SENP5: variants seen among roughly 807,000 people sequenced by gnomAD.
SENP5 encodes SUMO specific peptidase 5, also known as sentrin-specific protease 5.
SENP5 carries 21 observed loss-of-function variants against 74.2 expected under a neutral mutation model. The observed-to-expected ratio is 0.28, with a 90% CI of 0.20 to 0.41. The LOEUF is 0.41. Ranked by LOEUF, SENP5 falls within the 10% of genes least tolerant of loss-of-function variation. SENP5 has a pLI of 1.00. For missense variants in SENP5, 717 were observed against 889.1 expected (o/e 0.81, Z 2.46); for synonymous variants, 311 against 312.7 (o/e 0.99, Z 0.06).
At chr3:196,885,040 T>C (rs1713891592) in intron 1 of SENP5, 111 bp from the exon 2 acceptor site, 3 of 634,584 alleles carry the variant, frequency 4.7e-6, no homozygotes, top group Non-Finnish European at 8.1e-6. Flanking sequence ...ATAGTCTAAA[T>C]TGAAGTATAT....
At chr3:196,913,601 C>G (rs1715226698) in intron 6 of SENP5, among the ~76,000 whole-genome samples, 1 of 148,434 alleles carries the variant, frequency 6.7e-6, no homozygotes, top group African/African-American at 2.5e-5. Context: ...TAGTAAGACC[C>G]TGAACTCAGT....
chr3:196,909,000 C>CA (rs1715015725), intron 6 of SENP5, among the ~76,000 whole-genome samples: 1 of 151,776 alleles, frequency 6.6e-6, no homozygotes, highest in Non-Finnish European at 1.5e-5. Flanking sequence ...AAAAAATTAA[C>CA]AAAAAATACC....
intron 6 of SENP5, among the ~76,000 whole-genome samples, chr3:196,903,892 A>AT (rs1380522051): frequency 1.3e-5 from 2 of 152,188 alleles, no homozygotes; most frequent in East Asian, 3.8e-4. Context: ...GCTTTCAACA[A>AT]TTTTTTGCTG....
In SENP5 at chr3:196,886,477, G is replaced by C. The variant is rs1027729782; in HGVS notation, c.1296G>C (p.Lys432Asn). Residue 432 changes from lysine (K) to asparagine (N), a missense_variant, in exon 2 of 10, where the codon AAG becomes AAC. This residue lies in a region of SENP5 where 567 missense variants were observed against 577.4 expected (regional missense o/e 0.98). Coordinates refer to ENST00000323460, the MANE Select transcript of SENP5 (RefSeq NM_152699.5). Reference sequence around the variant, plus strand: ...GCGTAGATGGGCCTGTGTCCCAAAAGGCTGTTCAAAATGAGAACTCATACC... The same window carrying C: ...GCGTAGATGGGCCTGTGTCCCAAAACGCTGTTCAAAATGAGAACTCATACC... ...VSSVDGPVSQ[K>N]AVQNENSYQM... The C allele has an allele frequency of 3.1e-6, 5 of 1,611,030 alleles. No homozygotes were observed. Among genetic ancestry groups the C allele is most frequent in the African/African-American group, 2.7e-5 (2 of 74,830 alleles).
At position 196,873,069 on chromosome 3, in the gene SENP5, C is replaced by CT. The variant is rs572160747; in HGVS notation, c.-32+5017dup. Among the ~76,000 whole-genome samples the CT allele has an allele frequency of 2.7e-3, 288 of 108,358 alleles. 1 individual carries two copies. Among genetic ancestry groups the CT allele is most frequent in the Middle Eastern group, 4.6e-3 (1 of 216 alleles). 71.1% of individuals were successfully genotyped at this position (108,358 alleles called of 152,430 possible). ...TCCTCCCTGCAAGCTTGAGATTTAA[C>CT]TTTTTTTTTTTTTTTTTTTTTGGAG... On this transcript the variant is annotated intron_variant, in intron 1 of 9. Coordinates refer to ENST00000323460, the MANE Select transcript of SENP5 (RefSeq NM_152699.5).
At chr3:196,923,927 C>G (rs1385624992) in intron 7 of SENP5, among the ~76,000 whole-genome samples, 1 of 152,126 alleles carries the variant, frequency 6.6e-6, no homozygotes, top group South Asian at 2.1e-4. Flanking sequence ...TAGTGTTCAG[C>G]TAATAAACAG....
intron 2 of SENP5, among the ~76,000 whole-genome samples, chr3:196,894,019 C>T (rs910490595): frequency 3.3e-5 from 5 of 150,442 alleles, no homozygotes; most frequent in Non-Finnish European, 4.4e-5. Flanking sequence ...TATTTATGGT[C>T]GTGTATGAGA....
rs1713912387 is a variant in SENP5 at position 196,885,400 on chromosome 3, T to C, written c.219T>C (p.Asp73=). 2.5e-6 allele frequency: 4 copies of C among 1,614,068 alleles called. No individual in the cohort carries two copies. The highest frequency in any genetic ancestry group is 3.4e-6 in the Non-Finnish European group (4 of 1,180,022). Residue 73 remains aspartate, a synonymous_variant, in exon 2 of 10, where the codon GAT becomes GAC. Coordinates refer to ENST00000323460, the MANE Select transcript of SENP5 (RefSeq NM_152699.5). ...ALQIQKTWIK[D]EPLCAKTKFN... ...AAATCCAGAAAACGTGGATCAAGGA[T>C]GAACCCCTTTGTGCTAAGACCAAGT...
chr3:196,875,898 T>G lies in SENP5; in HGVS notation c.-32+7825T>G, dbSNP rs138552146. 3.5e-3 allele frequency among the ~76,000 whole-genome samples: 540 copies of G among 152,162 alleles called. 5 individuals carry two copies. The highest frequency in any genetic ancestry group is 0.012 in the African/African-American group (505 of 41,526). On this transcript the variant is annotated intron_variant, in intron 1 of 9. Transcript: ENST00000323460. ...GCATGTACCACCACTTTTGGCTATT[T>G]TTTTTGGAGACAGGATCTCCCTGTG... is the stretch of plus-strand genomic sequence containing the variant.
chr3:196,930,193 AAG>A (rs1410147897), intron 9 of SENP5, among the ~76,000 whole-genome samples: 1 of 152,216 alleles, frequency 6.6e-6, no homozygotes, highest in African/African-American at 2.4e-5. Flanking sequence ...GAGATTTGCA[AAG>A]ATCTTGGAAG....
At chr3:196,873,298 C>T (rs956288435) in intron 1 of SENP5, among the ~76,000 whole-genome samples, 10 of 151,708 alleles carry the variant, frequency 6.6e-5, no homozygotes, top group Non-Finnish European at 1.2e-4. Context: ...GTCTTGAACT[C>T]CTGACCTCAG....
At chr3:196,911,556 CAAA>C (rs148985317) in intron 6 of SENP5, among the ~76,000 whole-genome samples, 20 of 96,988 alleles carry the variant, frequency 2.1e-4, no homozygotes, top group Admixed American at 2.2e-4. Context: ...GACTTTGTCT[CAAA>C]AAAAAAAAAA....
intron 7 of SENP5, among the ~76,000 whole-genome samples, chr3:196,924,889 C>T (rs760362778): frequency 6.6e-6 from 1 of 152,150 alleles, no homozygotes; most frequent in Non-Finnish European, 1.5e-5. Flanking sequence ...ACGGTATACC[C>T]ATACTATTAA....
intron 6 of SENP5, chr3:196,905,285 CAGA>C (rs1306558000): frequency 6.6e-6 from 1 of 152,238 alleles, no homozygotes; most frequent in Non-Finnish European, 1.5e-5. Flanking sequence ...GTAGTCAGCA[CAGA>C]AGACTTCTGT....
At chr3:196,888,223 G>A (rs183093948) in intron 2 of SENP5, among the ~76,000 whole-genome samples, 33 of 152,242 alleles carry the variant, frequency 2.2e-4, no homozygotes, top group Middle Eastern at 3.4e-3. Flanking sequence ...GCCCATTCAG[G>A]CAATAGTTTG....
chr3:196,892,110 GAAA>G (rs202081408), intron 2 of SENP5, among the ~76,000 whole-genome samples: 7 of 144,334 alleles, frequency 4.8e-5, no homozygotes, highest in Non-Finnish European at 7.6e-5. Flanking sequence ...CTTAAAAAAA[GAAA>G]AAAAAAATAC....
intron 1 of SENP5, among the ~76,000 whole-genome samples, chr3:196,876,408 C>T (rs1357055822): frequency 6.6e-6 from 1 of 151,768 alleles, no homozygotes; most frequent in Non-Finnish European, 1.5e-5. Flanking sequence ...GTCTATAGTC[C>T]CAGCTAGGCT....
chr3:196,904,710 A>G (rs530035686), intron 6 of SENP5, among the ~76,000 whole-genome samples: 2 of 152,238 alleles, frequency 1.3e-5, no homozygotes, highest in South Asian at 4.1e-4. Flanking sequence ...AATCGCTTGA[A>G]CATGGGAGGT....
chr3:196,891,270 A>G (rs6795330), intron 2 of SENP5, among the ~76,000 whole-genome samples: 103,381 of 152,016 alleles, frequency 0.68, 36,039 homozygotes, highest in Non-Finnish European at 0.75. Flanking sequence ...GTAGATTAAT[A>G]GTTGCCAGGA....
Sources: gnomAD v4.1 joint callset for allele counts (sites outside exome capture counted in the v4.1 genomes callset) on GRCh38, gnomAD v4.1.1 for gene constraint, gnomAD v4.1.1 regional missense constraint, MANE v1.5 for transcripts, NCBI Gene and HGNC (gene_info 2026-07-23, HGNC 2026-07-21) for gene names.